ACBD6: variants seen among roughly 807,000 people sequenced by gnomAD.
ACBD6 encodes acyl-CoA binding domain containing 6.
Under a neutral mutation model 37.2 loss-of-function variants are expected in ACBD6, and 28 were observed. That is an observed-to-expected ratio of 0.75 (90% CI 0.56 to 1.03). The LOEUF (loss-of-function observed/expected upper bound fraction) is 1.03. Ranked by LOEUF, ACBD6 falls within the 50% of genes least tolerant of loss-of-function variation. The probability of loss-of-function intolerance (pLI) is 0.00; values close to 1 mark genes in which losing one functional copy is unlikely to be tolerated. For synonymous variants in ACBD6, 113 were observed against 126.8 expected (o/e 0.89, Z 0.73); for missense variants, 340 against 337.4 (o/e 1.01, Z -0.06).
intron 7 of ACBD6, among the ~76,000 whole-genome samples, chr1:180,312,941 T>G (rs1417748199): frequency 6.6e-6 from 1 of 152,176 alleles, no homozygotes; most frequent in Non-Finnish European, 1.5e-5. Flanking sequence ...GAAGTCTGGC[T>G]TACGAGCAGG....
At chr1:180,399,286 T>G (rs1259434406) in intron 5 of ACBD6, among the ~76,000 whole-genome samples, 1 of 152,172 alleles carries the variant, frequency 6.6e-6, no homozygotes, top group Non-Finnish European at 1.5e-5. Context: ...TTATTTATTT[T>G]GAGACGGAGT....
intron 3 of ACBD6, among the ~76,000 whole-genome samples, chr1:180,476,565 C>T (rs1438021962): frequency 6.6e-6 from 1 of 152,202 alleles, no homozygotes; most frequent in East Asian, 1.9e-4. Context: ...GTGGCTCACG[C>T]CTATAATCCC....
At chr1:180,350,034 T>C (rs1652349372) in intron 6 of ACBD6, among the ~76,000 whole-genome samples, 2 of 149,664 alleles carry the variant, frequency 1.3e-5, no homozygotes, top group Non-Finnish European at 3.0e-5. Context: ...TTTTTTTTTT[T>C]TTTTTTTTTT....
intron 3 of ACBD6, among the ~76,000 whole-genome samples, chr1:180,474,865 G>T (rs1650720608): frequency 6.6e-6 from 1 of 152,166 alleles, no homozygotes; most frequent in Non-Finnish European, 1.5e-5. Context: ...CATTTAAAAT[G>T]ATCCAGTGTT....
chr1:180,493,959 A>C (rs1651626599), intron 2 of ACBD6, among the ~76,000 whole-genome samples: 1 of 152,226 alleles, frequency 6.6e-6, no homozygotes. Flanking sequence ...TCAGCAGAGT[A>C]ATATATAGGT....
chr1:180,350,594 C>A (rs1652371063), intron 6 of ACBD6, among the ~76,000 whole-genome samples: 2 of 152,168 alleles, frequency 1.3e-5, no homozygotes, highest in South Asian at 4.1e-4. Context: ...CACACCCACA[C>A]TCACCCAAAT....
intron 6 of ACBD6, among the ~76,000 whole-genome samples, chr1:180,342,505 A>G (rs914938763): frequency 2.6e-5 from 4 of 152,236 alleles, no homozygotes; most frequent in Admixed American, 6.5e-5. Context: ...GAAATATTCA[A>G]TCATGAACAT....
chr1:180,492,242 GTAT>G (rs1483840641), intron 3 of ACBD6, 24 bp downstream of exon 3: 28 of 1,540,930 alleles, frequency 1.8e-5, no homozygotes, highest in Non-Finnish European at 2.5e-5. Flanking sequence ...TTTTTGGAAA[GTAT>G]TATTTATAAT....
intron 3 of ACBD6, among the ~76,000 whole-genome samples, chr1:180,439,849 A>T (rs1275004931): frequency 1.3e-5 from 2 of 152,168 alleles, no homozygotes; most frequent in Admixed American, 1.3e-4. Context: ...TAAGGAGAGG[A>T]GTGATAACTT....
intron 3 of ACBD6, among the ~76,000 whole-genome samples, chr1:180,433,574 CTGTGTGTGTGTGTGTGTGTGTGTGTGTG>C (rs61101474): frequency 1.4e-4 from 21 of 149,828 alleles, no homozygotes; most frequent in African/African-American, 4.9e-4. Context: ...TGGTGTTATG[CTGTGTGTGTGTGTGTGTGTGTGTGTGTG>C]TGTGTGTGTG....
chr1:180,401,254 C>T (rs1415046321), intron 5 of ACBD6, among the ~76,000 whole-genome samples: 1 of 152,106 alleles, frequency 6.6e-6, no homozygotes, highest in Admixed American at 6.5e-5. Flanking sequence ...ATCTATTAAC[C>T]AAGGGTGCTA....
chr1:180,430,313 T>C lies in ACBD6; in HGVS notation c.385-51A>G, dbSNP rs754995871. On this transcript the variant is annotated intron_variant, in intron 3 of 7. Transcript: ENST00000367595. ...AAAAAAGACAAATGGGTTAAAACAA[T>C]AGGTATTTAAATCAGTTACAAAATG... is the stretch of plus-strand genomic sequence containing the variant. 5 of 1,400,206 alleles carry C rather than the reference T, an allele frequency of 3.6e-6. No individual in the cohort carries two copies. In the Admixed American group the frequency reaches 6.7e-5, roughly 19 times the overall value. The allele number at this position is 1,400,206 out of a possible 1,614,324, so 86.7% of individuals were successfully genotyped here.
intron 3 of ACBD6, among the ~76,000 whole-genome samples, chr1:180,460,680 A>G (rs1323098529): frequency 6.6e-6 from 1 of 152,232 alleles, no homozygotes. Context: ...AAACCACAGC[A>G]GCCCTACAAA....
chr1:180,384,994 T>A (rs1653796328), intron 6 of ACBD6, among the ~76,000 whole-genome samples: 1 of 152,102 alleles, frequency 6.6e-6, no homozygotes, highest in Non-Finnish European at 1.5e-5. Context: ...TACCAGAGGC[T>A]GGAAAAAGTG....
At chr1:180,406,642 T>C (rs1398480054) in intron 5 of ACBD6, among the ~76,000 whole-genome samples, 2 of 152,184 alleles carry the variant, frequency 1.3e-5, no homozygotes. Context: ...TTTCAATGTG[T>C]GGGAATACAA....
At chr1:180,321,512 G>C (rs1651067850) in intron 6 of ACBD6, among the ~76,000 whole-genome samples, 1 of 151,868 alleles carries the variant, frequency 6.6e-6, no homozygotes, top group African/African-American at 2.4e-5. Flanking sequence ...TCACTTCTTT[G>C]GTTAATTCCT....
intron 6 of ACBD6, among the ~76,000 whole-genome samples, chr1:180,359,134 C>T (rs1025112743): frequency 6.6e-6 from 1 of 152,156 alleles, no homozygotes; most frequent in African/African-American, 2.4e-5. Flanking sequence ...TCATTTAACC[C>T]ACGGCAATTT....
chr1:180,315,066 G>A (rs979114300), intron 6 of ACBD6, among the ~76,000 whole-genome samples: 11 of 145,156 alleles, frequency 7.6e-5, no homozygotes, highest in Non-Finnish European at 1.5e-4. Context: ...CATTTATCTT[G>A]GCCAGTATTA....
chr1:180,459,470 G>C (rs551606455), intron 3 of ACBD6, among the ~76,000 whole-genome samples: 12 of 152,170 alleles, frequency 7.9e-5, no homozygotes, highest in Non-Finnish European at 1.6e-4. Flanking sequence ...TGAACATCCT[G>C]ATGAAGATAG....
Sources: gnomAD v4.1 joint callset for allele counts (sites outside exome capture counted in the v4.1 genomes callset) on GRCh38, gnomAD v4.1.1 for gene constraint, MANE v1.5 for transcripts, NCBI Gene and HGNC (gene_info 2026-07-23, HGNC 2026-07-21) for gene names.